CDH20: variants seen among roughly 807,000 people sequenced by gnomAD.
The protein encoded by CDH20 is cadherin 20.
Under a neutral mutation model 74.2 loss-of-function variants are expected in CDH20, and 29 were observed. That is an observed-to-expected ratio of 0.39 (90% CI 0.29 to 0.53). The LOEUF is 0.53. Among genes scored for constraint, CDH20 ranks in the 20% least tolerant of loss-of-function variants. CDH20 has a pLI of 0.69. For missense variants in CDH20, 988 were observed against 1,048.3 expected, an observed-to-expected ratio of 0.94 and a Z score of 0.79; for synonymous variants, 469 against 405.4, an observed-to-expected ratio of 1.16 and a Z score of -1.88.
intron 1 of CDH20, among the ~76,000 whole-genome samples, chr18:61,341,070 G>A (rs902505654): frequency 9.2e-5 from 14 of 152,182 alleles, no homozygotes; most frequent in African/African-American, 3.1e-4. Context: ...AGAAGGACTG[G>A]GAGAAACTAA....
chr18:61,520,424 C>T (rs1208861150), intron 6 of CDH20, among the ~76,000 whole-genome samples: 3 of 150,970 alleles, frequency 2.0e-5, no homozygotes, highest in South Asian at 4.2e-4. Flanking sequence ...TACAAGAGCA[C>T]CCAGATTCAT....
chr18:61,554,732 C>T lies in CDH20; in HGVS notation c.*37C>T. The T allele has an allele frequency of 6.7e-7, 1 of 1,500,642 alleles. No homozygotes were observed. The highest frequency in any genetic ancestry group is 8.9e-7 in the Non-Finnish European group (1 of 1,124,932). The allele number at this position is 1,500,642 out of a possible 1,614,324, so 93.0% of individuals were successfully genotyped here. A position where few individuals can be genotyped will look rare whatever the true frequency, so the allele number is the denominator to read the frequency against. On this transcript the variant is annotated 3_prime_UTR_variant, in exon 12 of 12. Transcript: ENST00000262717. The stretch of plus-strand genomic sequence containing the variant: ...AGGCAGGCGCGCGTCCAAATCCAGA[C>T]GTTCTCCGCGGGTGCTTCGCGGACA...
chr18:61,478,379 T>C (rs1427460291), intron 1 of CDH20, among the ~76,000 whole-genome samples: 2 of 152,204 alleles, frequency 1.3e-5, no homozygotes, highest in Non-Finnish European at 2.9e-5. Context: ...GCATGTTGCC[T>C]GTTTTTAGTA....
chr18:61,402,404 C>T (rs1203472226), intron 1 of CDH20, among the ~76,000 whole-genome samples: 1 of 152,050 alleles, frequency 6.6e-6, no homozygotes, highest in Non-Finnish European at 1.5e-5. Context: ...GAATAACTTT[C>T]CTGAGATTTA....
chr18:61,457,412 T>A (rs1677579832), intron 1 of CDH20, among the ~76,000 whole-genome samples: 1 of 152,118 alleles, frequency 6.6e-6, no homozygotes, highest in Non-Finnish European at 1.5e-5. Flanking sequence ...GTATTCTTAT[T>A]ATCATTCTCA....
intron 1 of CDH20, among the ~76,000 whole-genome samples, chr18:61,403,452 G>C (rs1912222279): frequency 6.6e-6 from 1 of 152,320 alleles, no homozygotes; most frequent in South Asian, 2.1e-4. Flanking sequence ...AAAACACCTA[G>C]ATGTAGCACT....
At chr18:61,462,024 G>A (rs1909796285) in intron 1 of CDH20, among the ~76,000 whole-genome samples, 1 of 152,142 alleles carries the variant, frequency 6.6e-6, no homozygotes, top group Admixed American at 6.5e-5. Flanking sequence ...CAATTGGTTT[G>A]CATAGGAGTA....
chr18:61,357,397 T>A (rs529579564), intron 1 of CDH20, among the ~76,000 whole-genome samples: 4 of 149,580 alleles, frequency 2.7e-5, no homozygotes, highest in Admixed American at 6.6e-5. Context: ...ACTAAGAGGG[T>A]TTTTTCCCCC....
At position 61,541,926 on chromosome 18, in the gene CDH20, CAG is replaced by C. The variant is rs570206351; in HGVS notation, c.1530+2786_1530+2787del. ...GAAGAAATCTGACCTGCTGGGAGAACAGAGAGCAGGAGAGCGGGCCATGCGCT... is the reference window on the plus strand; with the variant it reads ...GAAGAAATCTGACCTGCTGGGAGAACAGAGCAGGAGAGCGGGCCATGCGCT... On this transcript the variant is annotated intron_variant, in intron 9 of 11. Transcript: ENST00000262717. Among the ~76,000 whole-genome samples the C allele has an allele frequency of 1.6e-4, 24 of 152,302 alleles. No individual in the cohort carries two copies. The South Asian group carries it at 4.8e-3, about 30-fold the overall frequency.
intron 1 of CDH20, among the ~76,000 whole-genome samples, chr18:61,346,212 G>A (rs1366755547): frequency 6.6e-6 from 1 of 152,188 alleles, no homozygotes; most frequent in Non-Finnish European, 1.5e-5. Flanking sequence ...GAAGGGAAGA[G>A]AGGAATTGCA....
At chr18:61,532,152 C>A (rs1315044236) in intron 7 of CDH20, among the ~76,000 whole-genome samples, 1 of 152,132 alleles carries the variant, frequency 6.6e-6, no homozygotes, top group Non-Finnish European at 1.5e-5. Flanking sequence ...GGCAAGGGAC[C>A]TAACCTGTCT....
intron 6 of CDH20, among the ~76,000 whole-genome samples, chr18:61,526,348 T>C (rs1420938984): frequency 6.6e-6 from 1 of 152,094 alleles, no homozygotes; most frequent in African/African-American, 2.4e-5. Context: ...ATAACAAATC[T>C]AGTTAAAGCA....
intron 1 of CDH20, among the ~76,000 whole-genome samples, chr18:61,434,248 C>T (rs917215999): frequency 3.9e-5 from 6 of 152,048 alleles, no homozygotes; most frequent in South Asian, 2.1e-4. Flanking sequence ...AAGAAGTCCA[C>T]GATGGGGCCA....
At chr18:61,350,853 C>A (rs145789078) in intron 1 of CDH20, among the ~76,000 whole-genome samples, 128 of 152,288 alleles carry the variant, frequency 8.4e-4, no homozygotes, top group African/African-American at 2.8e-3. Context: ...TGCAGAGGAT[C>A]TTTCAGTGTT....
At chr18:61,477,592 T>G (rs1910437143) in intron 1 of CDH20, among the ~76,000 whole-genome samples, 2 of 152,178 alleles carry the variant, frequency 1.3e-5, no homozygotes. Flanking sequence ...GATGCATGAG[T>G]ATGTCATAAT....
intron 10 of CDH20, among the ~76,000 whole-genome samples, chr18:61,546,005 AGAT>A (rs1423935998): frequency 6.6e-6 from 1 of 152,166 alleles, no homozygotes; most frequent in East Asian, 1.9e-4. Flanking sequence ...TTCTGTAGCC[AGAT>A]GATTTGCTTC....
intron 1 of CDH20, among the ~76,000 whole-genome samples, chr18:61,371,198 T>A (rs1460811105): frequency 1.3e-5 from 2 of 152,120 alleles, no homozygotes; most frequent in African/African-American, 4.8e-5. Context: ...TAACCTGCTG[T>A]ATTTTCAAAC....
chr18:61,356,166 T>C (rs1452130951), intron 1 of CDH20, among the ~76,000 whole-genome samples: 1 of 152,256 alleles, frequency 6.6e-6, no homozygotes, highest in East Asian at 1.9e-4. Context: ...ATACTTAAGC[T>C]TCTCATATCC....
intron 1 of CDH20, among the ~76,000 whole-genome samples, chr18:61,431,429 A>T (rs1027721695): frequency 1.3e-5 from 2 of 152,212 alleles, no homozygotes; most frequent in African/African-American, 4.8e-5. Flanking sequence ...ATCAATACTG[A>T]TTCATTAACT....
Sources: gnomAD v4.1 joint callset for allele counts (sites outside exome capture counted in the v4.1 genomes callset) on GRCh38, gnomAD v4.1.1 for gene constraint, MANE v1.5 for transcripts, NCBI Gene and HGNC (gene_info 2026-07-23, HGNC 2026-07-21) for gene names.